RABGAP1L: variants seen among roughly 807,000 people sequenced by gnomAD.
The protein encoded by RABGAP1L is rab GTPase-activating protein 1-like.
A neutral mutation model predicts 137.7 loss-of-function variants in RABGAP1L; 63 were observed. The ratio of observed to expected loss-of-function variants is 0.46; its 90% CI spans 0.37 to 0.56. The LOEUF (loss-of-function observed/expected upper bound fraction) is 0.56, where lower values mean the gene tolerates loss of function less well. Among genes scored for constraint, RABGAP1L ranks in the 20% least tolerant of loss-of-function variants. The pLI, the probability that RABGAP1L is intolerant of heterozygous loss-of-function variation, is 0.00. For missense variants in RABGAP1L, 1,095 were observed against 1,244.0 expected, an observed-to-expected ratio of 0.88 and a Z score of 1.80; for synonymous variants, 431 against 433.7, an observed-to-expected ratio of 0.99 and a Z score of 0.08.
intron 19 of RABGAP1L, among the ~76,000 whole-genome samples, chr1:174,885,856 A>G (rs1323548228): frequency 6.6e-6 from 1 of 151,602 alleles, no homozygotes; most frequent in Non-Finnish European, 1.5e-5. Flanking sequence ...AGTCCCAGCT[A>G]CTCGGGAGGC....
At chr1:174,614,485 A>G (rs1376662399) in intron 13 of RABGAP1L, among the ~76,000 whole-genome samples, 1 of 152,230 alleles carries the variant, frequency 6.6e-6, no homozygotes. Flanking sequence ...GGGTAACCCA[A>G]CCTTCCTCTC....
At chr1:174,220,931 T>C (rs1177570224) in intron 2 of RABGAP1L, 41 bp from the exon 3 acceptor site, 1 of 1,470,112 alleles carries the variant, frequency 6.8e-7, no homozygotes, top group East Asian at 2.4e-5. Flanking sequence ...GCTTCAGAAC[T>C]ATGGTAGAAT....
At chr1:174,551,019 T>TATATATATAC (rs1553330337) in intron 13 of RABGAP1L, among the ~76,000 whole-genome samples, 3 of 116,028 alleles carry the variant, frequency 2.6e-5, no homozygotes, top group Non-Finnish European at 5.1e-5. Context: ...TATATATATA[T>TATATATATAC]ATACATACAC....
At chr1:174,618,148 C>G (rs1045104815) in intron 13 of RABGAP1L, among the ~76,000 whole-genome samples, 1 of 152,192 alleles carries the variant, frequency 6.6e-6, no homozygotes, top group Admixed American at 6.5e-5. Flanking sequence ...GGCTGGGAAG[C>G]TCGAACTGAG....
chr1:174,798,118 C>A (rs1476258210), intron 18 of RABGAP1L, among the ~76,000 whole-genome samples: 4 of 151,268 alleles, frequency 2.6e-5, no homozygotes, highest in Non-Finnish European at 5.9e-5. Context: ...CCTAGCTCTA[C>A]TTTATTTAGT....
intron 19 of RABGAP1L, among the ~76,000 whole-genome samples, chr1:174,938,828 T>C (rs952838998): frequency 6.6e-6 from 1 of 152,184 alleles, no homozygotes; most frequent in Non-Finnish European, 1.5e-5. Context: ...GCTGGACGCA[T>C]AGAAGGGAAG....
Position 174,994,525 on chromosome 1 carries a change from T to A in RABGAP1L, c.*4524T>A, listed in dbSNP as rs570727722. ...CATTTTAAGTTATTTTCCTTTTTCA[T>A]TGGCAATTAGTTAACATGTAAAATC... is the stretch of plus-strand genomic sequence containing the variant. On this transcript the variant is annotated 3_prime_UTR_variant, in exon 26 of 26. Coordinates refer to ENST00000681986, the MANE Select transcript of RABGAP1L (RefSeq NM_001366446.1). The A allele has an allele frequency of 6.6e-6, 1 of 152,244 alleles. No homozygotes were observed. Among genetic ancestry groups the A allele is most frequent in the South Asian group, 2.1e-4 (1 of 4,838 alleles). 9.4% of individuals were successfully genotyped at this position (152,244 alleles called of 1,614,324 possible).
At position 174,492,933 on chromosome 1, in the gene RABGAP1L, C is replaced by T. The variant is rs529263823; in HGVS notation, c.1710+98788C>T. On this transcript the variant is annotated intron_variant, in intron 13 of 25. Coordinates refer to ENST00000681986, the MANE Select transcript of RABGAP1L (RefSeq NM_001366446.1). ...TTTCCATAGCACCTTGTACTTCCACCGTAGCCTTAATACATTGCAGCATTA... is the reference window on the plus strand; with the variant it reads ...TTTCCATAGCACCTTGTACTTCCACTGTAGCCTTAATACATTGCAGCATTA... Among the ~76,000 whole-genome samples the T allele has an allele frequency of 8.6e-5, 13 of 151,956 alleles. No individual in the cohort carries two copies. In the South Asian group the frequency reaches 1.5e-3, roughly 17 times the overall value.
intron 13 of RABGAP1L, among the ~76,000 whole-genome samples, chr1:174,398,960 G>T (rs897133668): frequency 1.3e-5 from 2 of 152,076 alleles, no homozygotes; most frequent in African/African-American, 2.4e-5. Context: ...AATTCAGTTA[G>T]TATAATAAAT....
chr1:174,197,344 A>C (rs1220821135), intron 1 of RABGAP1L, among the ~76,000 whole-genome samples: 1 of 152,114 alleles, frequency 6.6e-6, no homozygotes, highest in African/African-American at 2.4e-5. Flanking sequence ...TCAATATCCC[A>C]AAGGGCTTGA....
intron 17 of RABGAP1L, among the ~76,000 whole-genome samples, chr1:174,719,766 G>A (rs531770599): frequency 4.7e-4 from 71 of 152,294 alleles, no homozygotes; most frequent in African/African-American, 1.7e-3. Context: ...TCCAAATTCA[G>A]CCAAAGGCTG....
At chr1:174,961,676 T>C (rs779515392) in intron 20 of RABGAP1L, among the ~76,000 whole-genome samples, 1 of 150,886 alleles carries the variant, frequency 6.6e-6, no homozygotes, top group Admixed American at 6.6e-5. Context: ...GAAATGCTGC[T>C]TCTACTAAAA....
chr1:174,807,593 G>T (rs529769227), intron 18 of RABGAP1L, among the ~76,000 whole-genome samples: 1 of 152,154 alleles, frequency 6.6e-6, no homozygotes. Flanking sequence ...GAAGTCTCTC[G>T]AAGATAGAAA....
chr1:174,981,532 C>T (rs1192991526), intron 23 of RABGAP1L, among the ~76,000 whole-genome samples: 1 of 130,534 alleles, frequency 7.7e-6, no homozygotes, highest in Non-Finnish European at 1.6e-5. Context: ...TAAAATTTCA[C>T]ATCCCCTGTT....
intron 18 of RABGAP1L, among the ~76,000 whole-genome samples, chr1:174,795,283 C>T (rs116601112): frequency 0.012 from 1,817 of 152,214 alleles, 39 homozygotes; most frequent in African/African-American, 0.042. Flanking sequence ...TGCCATCCCC[C>T]GTATGCCTGA....
chr1:174,240,851 C>T (rs1039387760), intron 4 of RABGAP1L, among the ~76,000 whole-genome samples: 1 of 151,996 alleles, frequency 6.6e-6, no homozygotes, highest in African/African-American at 2.4e-5. Context: ...GTATACTTAG[C>T]TTTGGAGTAA....
At chr1:174,494,387 C>T (rs755429600) in intron 13 of RABGAP1L, among the ~76,000 whole-genome samples, 2 of 152,124 alleles carry the variant, frequency 1.3e-5, no homozygotes, top group South Asian at 2.1e-4. Context: ...TCTCATCCTC[C>T]GTTGAATTAT....
chr1:174,805,972 C>T (rs921468302), intron 18 of RABGAP1L, among the ~76,000 whole-genome samples: 11 of 152,186 alleles, frequency 7.2e-5, no homozygotes, highest in African/African-American at 1.7e-4. Flanking sequence ...ACTCTTCCCT[C>T]GCCATTGTTC....
chr1:174,706,438 T>A (rs898226504), intron 17 of RABGAP1L, among the ~76,000 whole-genome samples: 1 of 152,086 alleles, frequency 6.6e-6, no homozygotes, highest in Non-Finnish European at 1.5e-5. Flanking sequence ...AAATCATTTT[T>A]AAAAAAACAA....
Sources: gnomAD v4.1 joint callset for allele counts (sites outside exome capture counted in the v4.1 genomes callset) on GRCh38, gnomAD v4.1.1 for gene constraint, MANE v1.5 for transcripts, NCBI Gene and HGNC (gene_info 2026-07-23, HGNC 2026-07-21) for gene names.